The following PIAS2 variants were observed in gnomAD, a reference collection of about 807,000 sequenced individuals.
PIAS2 encodes the protein protein inhibitor of activated STAT 2.
In PIAS2, 19 loss-of-function variants were observed where a neutral mutation model predicts 69.7. That is an observed-to-expected ratio of 0.27 (90% CI 0.19 to 0.40). The LOEUF is 0.40. Ranked by LOEUF, PIAS2 falls within the 10% of genes least tolerant of loss-of-function variation. The pLI, the probability that PIAS2 is intolerant of heterozygous loss-of-function variation, is 1.00. For synonymous variants in PIAS2, 261 were observed against 263.2 expected, an observed-to-expected ratio of 0.99 and a Z score of 0.08; for missense variants, 624 against 757.0, an observed-to-expected ratio of 0.82 and a Z score of 2.06.
At chr18:46,864,285 T>A (rs1272363340) in intron 2 of PIAS2, 37 bp from the exon 3 acceptor site, 10 of 1,410,768 alleles carry the variant, frequency 7.1e-6, no homozygotes, top group Non-Finnish European at 9.7e-6. Flanking sequence ...AATATTTCAA[T>A]AACAAATCCA....
intron 1 of PIAS2, among the ~76,000 whole-genome samples, chr18:46,892,766 T>C (rs903238947): frequency 6.6e-6 from 1 of 152,052 alleles, no homozygotes; most frequent in African/African-American, 2.4e-5. Context: ...ATTAAGACTG[T>C]CTCAAAAATA....
chr18:46,891,602 A>C, intron 1 of PIAS2: 1 of 668,880 alleles, frequency 1.5e-6, no homozygotes, highest in Non-Finnish European at 1.8e-6. Context: ...AAACAACATA[A>C]TAAAGATATT....
At chr18:46,823,582 G>A (rs1442019935) in intron 11 of PIAS2, among the ~76,000 whole-genome samples, 2 of 152,136 alleles carry the variant, frequency 1.3e-5, no homozygotes, top group Non-Finnish European at 2.9e-5. Context: ...CTTTAAATGA[G>A]TAAATAGCTA....
intron 2 of PIAS2, among the ~76,000 whole-genome samples, chr18:46,869,288 C>T (rs532804825): frequency 1.9e-4 from 29 of 152,064 alleles, no homozygotes; most frequent in African/African-American, 6.5e-4. Flanking sequence ...GAAGGGAAGG[C>T]AAGAAATATC....
At chr18:46,850,826 G>A (rs1379386843) in intron 5 of PIAS2, among the ~76,000 whole-genome samples, 1 of 152,188 alleles carries the variant, frequency 6.6e-6, no homozygotes, top group African/African-American at 2.4e-5. Context: ...TGTATTAGCC[G>A]AAATGTTTCC....
intron 12 of PIAS2, chr18:46,815,936 A>G (rs1380896576): frequency 1.0e-6 from 1 of 985,304 alleles, no homozygotes; most frequent in African/African-American, 1.7e-5. Flanking sequence ...AATTTTCTGA[A>G]CCAGAGAACT....
Position 46,815,234 on chromosome 18 carries a change from T to C in PIAS2, c.1686+78A>G, listed in dbSNP as rs937035772. On this transcript the variant is annotated intron_variant, in intron 13 of 13. Coordinates refer to ENST00000585916, the MANE Select transcript of PIAS2 (RefSeq NM_004671.5). Reference sequence around the variant, plus strand: ...TTCAGAGATGACTGTCCTGATTTTATGCAACTGGTCATTTTTAGTTAGTAT... The same window carrying C: ...TTCAGAGATGACTGTCCTGATTTTACGCAACTGGTCATTTTTAGTTAGTAT... The C allele has an allele frequency of 4.3e-6, 5 of 1,163,988 alleles. No individual in the cohort carries two copies. The African/African-American group carries it at 6.1e-5, about 14-fold the overall frequency. 72.1% of individuals were successfully genotyped at this position (1,163,988 alleles called of 1,614,324 possible).
At chr18:46,815,967 T>C (rs905465438) in intron 12 of PIAS2, 2 of 985,400 alleles carry the variant, frequency 2.0e-6, no homozygotes, top group South Asian at 4.7e-5. Context: ...AATTCGATTT[T>C]AGAAAGAGGA....
chr18:46,875,250 A>C (rs976026663), intron 2 of PIAS2, among the ~76,000 whole-genome samples: 1 of 152,190 alleles, frequency 6.6e-6, no homozygotes, highest in African/African-American at 2.4e-5. Flanking sequence ...TGGAGCCTTA[A>C]AAAGTCCCTG....
At chr18:46,851,455 TTTC>T (rs2046955138) in intron 5 of PIAS2, among the ~76,000 whole-genome samples, 2 of 152,238 alleles carry the variant, frequency 1.3e-5, no homozygotes, top group Non-Finnish European at 2.9e-5. Flanking sequence ...GGCCTTTTTC[TTTC>T]TTCTGCCCAT....
chr18:46,885,982 A>G (rs9954336), intron 2 of PIAS2, among the ~76,000 whole-genome samples: 68,041 of 152,116 alleles, frequency 0.45, 15,299 homozygotes, highest in Middle Eastern at 0.52. Flanking sequence ...TGAACAGAGC[A>G]AAGTAAGAAA....
chr18:46,817,205 A>C, intron 12 of PIAS2: 1 of 967,316 alleles, frequency 1.0e-6, no homozygotes, highest in Non-Finnish European at 1.2e-6. Flanking sequence ...TATTTGCTGT[A>C]TCTCTCAGTT....
chr18:46,838,645 ATTAT>A (rs1341863833), intron 8 of PIAS2, among the ~76,000 whole-genome samples: 1 of 152,208 alleles, frequency 6.6e-6, no homozygotes, highest in East Asian at 1.9e-4. Flanking sequence ...TTAAAAACAA[ATTAT>A]TTCTTAAACA....
chr18:46,854,902 T>C (rs2047514285), intron 5 of PIAS2, among the ~76,000 whole-genome samples: 1 of 152,008 alleles, frequency 6.6e-6, no homozygotes, highest in African/African-American at 2.4e-5. Flanking sequence ...GCCCAAGTCC[T>C]CCCCTTCAAC....
chr18:46,909,924 T>A (rs561368799), intron 1 of PIAS2, among the ~76,000 whole-genome samples: 10 of 152,126 alleles, frequency 6.6e-5, no homozygotes, highest in Admixed American at 1.3e-4. Context: ...CCCAGCACTT[T>A]GGGAGGCCAA....
chr18:46,816,212 C>A (rs541115818), intron 12 of PIAS2: 2 of 985,228 alleles, frequency 2.0e-6, no homozygotes, highest in East Asian at 2.3e-4. Context: ...TTCAGAGACA[C>A]CCCGAATATA....
At chr18:46,918,594 G>A (rs1237605936), upstream of PIAS2, among the ~76,000 whole-genome samples, 2 of 152,172 alleles carry the variant, frequency 1.3e-5, no homozygotes, top group East Asian at 1.9e-4. Context: ...AGCTGCGATT[G>A]TATTTTTGGT....
chr18:46,890,553 GA>G, intron 2 of PIAS2, 26 bp downstream of exon 2: 1 of 1,374,318 alleles, frequency 7.3e-7, no homozygotes, highest in Non-Finnish European at 1.0e-6. Flanking sequence ...ATCTTGTTCA[GA>G]AGAAACTGAA....
At chr18:46,855,103 TA>T (rs59957336) in intron 5 of PIAS2, among the ~76,000 whole-genome samples, 5,140 of 76,100 alleles carry the variant, frequency 0.068, 107 homozygotes, top group East Asian at 0.15. Context: ...CTTGTCTCTT[TA>T]AAAAAAAAAA....
Sources: allele counts gnomAD v4.1 joint callset (sites outside exome capture counted in the v4.1 genomes callset), GRCh38; gene constraint gnomAD v4.1.1; transcripts MANE v1.5; gene names NCBI Gene and HGNC (gene_info 2026-07-23, HGNC 2026-07-21).